NAV3: variants seen among roughly 807,000 people sequenced by gnomAD.
NAV3 encodes pore membrane and/or filament interacting like protein 1.
A neutral mutation model predicts 244.7 loss-of-function variants in NAV3; 87 were observed. That is an observed-to-expected ratio of 0.36 (90% confidence interval 0.30 to 0.42). The LOEUF (loss-of-function observed/expected upper bound fraction) is 0.42, where lower values mean the gene tolerates loss of function less well. Ranked by LOEUF, NAV3 falls within the 20% of genes least tolerant of loss-of-function variation. The pLI is 1.00. For missense variants in NAV3, 2,663 were observed against 2,893.3 expected (o/e 0.92, Z 1.83); for synonymous variants, 1,126 against 1,042.2 (o/e 1.08, Z -1.55).
At chr12:78,158,023 C>T (rs1225689388) in intron 22 of NAV3, among the ~76,000 whole-genome samples, 4 of 152,132 alleles carry the variant, frequency 2.6e-5, no homozygotes, top group South Asian at 2.1e-4. Flanking sequence ...CTAACTGTTA[C>T]CAATAATGGA....
chr12:77,914,518 C>T (rs1196033247), intron 1 of NAV3, among the ~76,000 whole-genome samples: 1 of 152,028 alleles, frequency 6.6e-6, no homozygotes, highest in East Asian at 1.9e-4. Flanking sequence ...TGAAGGGCAA[C>T]ATTTTGTTTT....
At chr12:78,123,320 C>G (rs1838954756) in intron 16 of NAV3, among the ~76,000 whole-genome samples, 1 of 151,230 alleles carries the variant, frequency 6.6e-6, no homozygotes, top group African/African-American at 2.4e-5. Context: ...ATATATCTTT[C>G]TATGTCTTCC....
At position 77,766,735 on chromosome 12, in the gene NAV3, G is replaced by GTTTGTTTGTTTTTT. The variant is rs1555202961; in HGVS notation, c.73-173581_73-173580insGTTTGTTTTTTTTT. Among the ~76,000 whole-genome samples, 27 of 60,514 alleles carry GTTTGTTTGTTTTTT rather than the reference G, an allele frequency of 4.5e-4. 1 individual carries two copies. The highest frequency in any genetic ancestry group is 9.7e-4 in the Admixed American group (4 of 4,124). 39.7% of individuals were successfully genotyped at this position (60,514 alleles called of 152,430 possible). A position where few individuals can be genotyped will look rare whatever the true frequency, so the allele number is the denominator to read the frequency against. ...AGGATTCTAAAAAACAGGCAATTAA[G>GTTTGTTTGTTTTTT]TTTTTTTTTTTTTTTTTTTTTTTTT... On this transcript the variant is annotated intron_variant, in intron 2 of 8. Coordinates refer to the NAV3 transcript ENST00000550042.
intron 1 of NAV3, among the ~76,000 whole-genome samples, chr12:77,891,011 TC>T (rs1415597110): frequency 2.0e-5 from 3 of 152,000 alleles, no homozygotes; most frequent in Non-Finnish European, 4.4e-5. Context: ...ATATTTTCCA[TC>T]CTTTTTTTTT....
chr12:77,686,309 T>C (rs1461184878), intron 2 of NAV3, among the ~76,000 whole-genome samples: 2 of 152,026 alleles, frequency 1.3e-5, no homozygotes, highest in East Asian at 3.9e-4. Context: ...ACCAGGCCGG[T>C]CTTGAACTCC....
chr12:77,648,051 C>T (rs1421067618), intron 2 of NAV3, among the ~76,000 whole-genome samples: 1 of 152,058 alleles, frequency 6.6e-6, no homozygotes, highest in Non-Finnish European at 1.5e-5. Context: ...TGATGTTGGA[C>T]TCCCTATCAA....
At position 77,797,434 on chromosome 12, in the gene NAV3, T is replaced by A. The variant is rs181161891; in HGVS notation, c.73-142885T>A. Among the ~76,000 whole-genome samples the A allele has an allele frequency of 5.4e-3, 826 of 152,066 alleles. 6 individuals are homozygous for A. The highest frequency in any genetic ancestry group is 7.7e-3 in the Non-Finnish European group (524 of 67,976). ...TTAATAAAAGTTTGTTATTATAGAT[T>A]TTATTATATATTTTGGGCAAATTGG... On this transcript the variant is annotated intron_variant, in intron 2 of 8. Transcript: ENST00000550042.
At chr12:78,178,467 A>G (rs1958352537) in intron 28 of NAV3, among the ~76,000 whole-genome samples, 1 of 151,994 alleles carries the variant, frequency 6.6e-6, no homozygotes, top group African/African-American at 2.4e-5. Context: ...GGCCCAAAAT[A>G]CTGTAATATT....
chr12:78,014,251 C>T (rs1047902003), intron 8 of NAV3, among the ~76,000 whole-genome samples: 2 of 151,914 alleles, frequency 1.3e-5, no homozygotes, highest in Non-Finnish European at 2.9e-5. Flanking sequence ...TCTTTTCTGA[C>T]CATTTGTAGT....
intron 12 of NAV3, among the ~76,000 whole-genome samples, chr12:78,086,751 C>G (rs563740476): frequency 1.5e-3 from 223 of 152,122 alleles, no homozygotes; most frequent in Middle Eastern, 3.4e-3. Flanking sequence ...TTCTGCAGCA[C>G]CCCCTGTGGT....
At chr12:77,940,568 A>G in intron 2 of NAV3, 132 bp downstream of exon 2, 1 of 688,186 alleles carries the variant, frequency 1.5e-6, no homozygotes, top group Non-Finnish European at 2.5e-6. Flanking sequence ...CCCCTGATTT[A>G]ATTAAAATGT....
intron 7 of NAV3, among the ~76,000 whole-genome samples, chr12:78,005,410 A>T (rs1874025702): frequency 6.6e-6 from 1 of 152,216 alleles, no homozygotes; most frequent in African/African-American, 2.4e-5. Context: ...TGAAAAGGCC[A>T]ACAGTTTTCA....
chr12:77,749,870 A>G (rs1033701079), intron 2 of NAV3, among the ~76,000 whole-genome samples: 1 of 152,302 alleles, frequency 6.6e-6, no homozygotes, highest in African/African-American at 2.4e-5. Flanking sequence ...TATTTGATTT[A>G]CCAATGTAAC....
intron 2 of NAV3, among the ~76,000 whole-genome samples, chr12:77,662,227 G>GTCTATCTATCTA (rs71088326): frequency 0.05 from 7,348 of 145,968 alleles, 189 homozygotes; most frequent in East Asian, 0.063. Flanking sequence ...ATATCTATCT[G>GTCTATCTATCTA]TCTATCTATC....
intron 9 of NAV3, among the ~76,000 whole-genome samples, chr12:78,033,277 G>C (rs1038871618): frequency 2.6e-5 from 4 of 151,582 alleles, no homozygotes. Context: ...AGAAGATCAA[G>C]CTCAGATAAT....
chr12:77,952,392 A>G (rs534868494), intron 3 of NAV3, among the ~76,000 whole-genome samples: 31 of 152,244 alleles, frequency 2.0e-4, no homozygotes, highest in African/African-American at 7.5e-4. Context: ...TCTTCAACAG[A>G]TATCAATTGA....
At chr12:78,202,596 A>G (rs1959829125) in intron 38 of NAV3, among the ~76,000 whole-genome samples, 1 of 152,116 alleles carries the variant, frequency 6.6e-6, no homozygotes, top group Non-Finnish European at 1.5e-5. Context: ...ACTAAAACTG[A>G]GAGATATTTC....
At position 77,654,415 on chromosome 12, in the gene NAV3, A is replaced by G. The variant is rs1438031997; in HGVS notation, c.72+82149A>G. On this transcript the variant is annotated intron_variant, in intron 2 of 8. Coordinates refer to the NAV3 transcript ENST00000550042. ...CGAGGCTGGGGGAGGGGTGCCCACC[A>G]TTGCCCAGGCTCTCTTAGGTAAACA... is the stretch of plus-strand genomic sequence containing the variant. Among the ~76,000 whole-genome samples the G allele has an allele frequency of 2.6e-5, 4 of 152,226 alleles. No individual in the cohort carries two copies. In the East Asian group the frequency reaches 7.8e-4, roughly 30 times the overall value.
At chr12:77,734,176 G>A (rs1192609212) in intron 2 of NAV3, among the ~76,000 whole-genome samples, 2 of 152,024 alleles carry the variant, frequency 1.3e-5, no homozygotes, top group Non-Finnish European at 2.9e-5. Flanking sequence ...GAGGATAAAA[G>A]TATAGGTTGG....
Sources: allele counts gnomAD v4.1 joint callset (sites outside exome capture counted in the v4.1 genomes callset), GRCh38; gene constraint gnomAD v4.1.1; transcripts MANE v1.5; gene names NCBI Gene and HGNC (gene_info 2026-07-23, HGNC 2026-07-21).